The following KIF13B variants were observed in gnomAD, a reference collection of about 807,000 sequenced individuals.
KIF13B encodes kinesin family member 13B, also known as kinesin-like protein KIF13B.
KIF13B carries 127 observed loss-of-function variants against 222.0 expected under a neutral mutation model. The ratio of observed to expected loss-of-function variants is 0.57; its 90% CI spans 0.50 to 0.66. The LOEUF is 0.66. Among genes scored for constraint, KIF13B ranks in the 30% least tolerant of loss-of-function variants. The pLI, the probability that KIF13B is intolerant of heterozygous loss-of-function variation, is 0.00. For missense variants in KIF13B, 2,173 were observed against 2,379.0 expected, an observed-to-expected ratio of 0.91 and a Z score of 1.80; for synonymous variants, 976 against 919.0, an observed-to-expected ratio of 1.06 and a Z score of -1.12.
At chr8:29,225,180 A>C (rs1795808893) in intron 2 of KIF13B, among the ~76,000 whole-genome samples, 1 of 152,250 alleles carries the variant, frequency 6.6e-6, no homozygotes, top group South Asian at 2.1e-4. Flanking sequence ...CAGTGTGGGA[A>C]GGCAGAAAGG....
chr8:29,186,156 T>C, intron 6 of KIF13B, 136 bp downstream of exon 6: 1 of 659,712 alleles, frequency 1.5e-6, no homozygotes, highest in South Asian at 2.1e-5. Context: ...TGAAGTAAGC[T>C]ATGATTGTGC....
At chr8:29,260,669 C>A (rs946281055) in intron 1 of KIF13B, among the ~76,000 whole-genome samples, 2 of 151,358 alleles carry the variant, frequency 1.3e-5, no homozygotes, top group Admixed American at 6.6e-5. Context: ...CAGGGTGGAG[C>A]ACAGTGGCAC....
At chr8:29,232,381 G>T (rs776376862) in intron 2 of KIF13B, among the ~76,000 whole-genome samples, 2 of 149,312 alleles carry the variant, frequency 1.3e-5, no homozygotes, top group Non-Finnish European at 3.0e-5. Flanking sequence ...AGACCAGCCT[G>T]GGCAACCACA....
intron 1 of KIF13B, among the ~76,000 whole-genome samples, chr8:29,255,681 G>A (rs1386183805): frequency 1.3e-5 from 2 of 151,846 alleles, no homozygotes; most frequent in Admixed American, 6.6e-5. Flanking sequence ...ATACTGGCAC[G>A]CCCACTCACT....
At chr8:29,245,246 G>T in intron 2 of KIF13B, 100 bp downstream of exon 2, 1 of 772,630 alleles carries the variant, frequency 1.3e-6, no homozygotes, top group Admixed American at 2.3e-5. Context: ...TCTCTACAGG[G>T]TAGGCATTCG....
chr8:29,237,636 G>A (rs1411775121), intron 2 of KIF13B, among the ~76,000 whole-genome samples: 1 of 152,150 alleles, frequency 6.6e-6, no homozygotes, highest in Non-Finnish European at 1.5e-5. Flanking sequence ...CAATGATAAT[G>A]CTAAAATATC....
In KIF13B at chr8:29,070,901, C is replaced by T; in HGVS notation, c.5219-135G>A. 1 of 973,470 alleles carries T rather than the reference C, an allele frequency of 1.0e-6. No homozygotes were observed. The allele number at this position is 973,470 out of a possible 1,614,324, so 60.3% of individuals were successfully genotyped here. A position where few individuals can be genotyped will look rare whatever the true frequency, so the allele number is the denominator to read the frequency against. On this transcript the variant is annotated intron_variant, in intron 39 of 39. Transcript: ENST00000524189. This position sits in a 1 kb window ranked among gnomAD's most constrained non-coding sequence, Gnocchi z 4.1. ...AGGCCCTACACAGCCAGCACTCGGACACTGGCCATTGTCTGGCAGGGACTG... is the reference window on the plus strand; with the variant it reads ...AGGCCCTACACAGCCAGCACTCGGATACTGGCCATTGTCTGGCAGGGACTG...
intron 36 of KIF13B, among the ~76,000 whole-genome samples, chr8:29,096,042 C>T (rs1174655919): frequency 6.7e-6 from 1 of 150,188 alleles, no homozygotes; most frequent in Non-Finnish European, 1.5e-5. Flanking sequence ...AGTGCGATGG[C>T]GTGATCTTGG....
At chr8:29,136,127 C>A (rs1358864686) in intron 21 of KIF13B, among the ~76,000 whole-genome samples, 1 of 152,092 alleles carries the variant, frequency 6.6e-6, no homozygotes, top group East Asian at 1.9e-4. Context: ...TCCTCCAAAC[C>A]AAACTGAGCA....
chr8:29,182,680 T>C (rs1812761381), intron 6 of KIF13B, among the ~76,000 whole-genome samples: 1 of 151,584 alleles, frequency 6.6e-6, no homozygotes, highest in Non-Finnish European at 1.5e-5. Flanking sequence ...AGAGCACAGA[T>C]AGCATACTTA....
chr8:29,145,863 T>C (rs1367342796), intron 18 of KIF13B: 2 of 149,128 alleles, frequency 1.3e-5, no homozygotes, highest in East Asian at 1.9e-4. Context: ...AGATAGAAGA[T>C]TGTGATGGGA....
rs1811102467 is a variant in KIF13B at position 29,147,382 on chromosome 8, TG to T, written c.2024+9del. On this transcript the variant is annotated intron_variant, in intron 17 of 39. Coordinates refer to ENST00000524189, the MANE Select transcript of KIF13B (RefSeq NM_015254.4). ...GCTATAAAGTTAACAGGCCCCTCTG[TG>T]CCGCCTACCTCTCCTCAGCCCACTG... 1 of 1,590,162 alleles carries T rather than the reference TG, an allele frequency of 6.3e-7. No individual in the cohort carries two copies. Among genetic ancestry groups the T allele is most frequent in the African/African-American group, 1.3e-5 (1 of 74,488 alleles).
intron 38 of KIF13B, among the ~76,000 whole-genome samples, chr8:29,074,851 A>C (rs982149615): frequency 6.6e-6 from 1 of 152,258 alleles, no homozygotes; most frequent in Non-Finnish European, 1.5e-5. Context: ...TTTGCTATTC[A>C]TAAGATTAGA....
Position 29,123,477 on chromosome 8 carries a change from T to A in KIF13B, c.3368A>T (p.Asp1123Val). ...LVSKRDKTED[D>V]ADREAQLLEM... is the part of the protein sequence containing the mutation. ...CAGAAGCTGCGCTTCACGGTCAGCA[T>A]CATCCTCTGTTTTATCTAGAACATC... Residue 1123 changes from aspartate to valine, a missense_variant, in exon 28 of 40, where the codon GAT becomes GTT. Asp to Val is a radical substitution (Grantham distance 152, BLOSUM62 -3). Coordinates refer to ENST00000524189, the MANE Select transcript of KIF13B (RefSeq NM_015254.4). 1 of 1,614,056 alleles carries A rather than the reference T, an allele frequency of 6.2e-7. No individual in the cohort carries two copies. Among genetic ancestry groups the A allele is most frequent in the Non-Finnish European group, 8.5e-7 (1 of 1,179,906 alleles).
intron 35 of KIF13B, among the ~76,000 whole-genome samples, chr8:29,103,973 G>C (rs188024394): frequency 6.6e-6 from 1 of 152,238 alleles, no homozygotes; most frequent in South Asian, 2.1e-4. Flanking sequence ...GCCCTGCAGC[G>C]TTGCACCTGA....
intron 32 of KIF13B, among the ~76,000 whole-genome samples, chr8:29,111,284 G>A (rs1037551620): frequency 3.3e-5 from 5 of 152,208 alleles, no homozygotes; most frequent in Non-Finnish European, 4.4e-5. Flanking sequence ...TCAGGGTCTG[G>A]AGGGAACAGA....
In KIF13B at chr8:29,186,280, A is replaced by C; in HGVS notation, c.497+12T>G. 1 of 1,595,986 alleles carries C rather than the reference A, an allele frequency of 6.3e-7. No individual in the cohort carries two copies. The highest frequency in any genetic ancestry group is 8.5e-7 in the Non-Finnish European group (1 of 1,171,942). ...CACAATGCTGAAACACTAAAGTCTC[A>C]AAGTCCTTTACCCTTTGGGATCAAG... On this transcript the variant is annotated intron_variant, in intron 6 of 39. Coordinates refer to ENST00000524189, the MANE Select transcript of KIF13B (RefSeq NM_015254.4).
intron 2 of KIF13B, among the ~76,000 whole-genome samples, chr8:29,211,825 G>A (rs566781070): frequency 6.6e-6 from 1 of 152,198 alleles, no homozygotes; most frequent in Admixed American, 6.5e-5. Context: ...ATTTCTAATT[G>A]CTTTGTTCTG....
At chr8:29,182,469 G>GA (rs1358588499) in intron 6 of KIF13B, among the ~76,000 whole-genome samples, 1 of 152,070 alleles carries the variant, frequency 6.6e-6, no homozygotes, top group Non-Finnish European at 1.5e-5. Context: ...TCCACCATTG[G>GA]AAAAAAGAGC....
Sources: allele counts gnomAD v4.1 joint callset (sites outside exome capture counted in the v4.1 genomes callset), GRCh38; gene constraint gnomAD v4.1.1; non-coding constraint Gnocchi (gnomAD v3.1); transcripts MANE v1.5; gene names NCBI Gene and HGNC (gene_info 2026-07-23, HGNC 2026-07-21).